The following ACVR2B variants were observed in gnomAD, a reference collection of about 807,000 sequenced individuals.
ACVR2B encodes the protein activin A receptor type 2B, also known as activin receptor type-2B.
A neutral mutation model predicts 65.1 loss-of-function variants in ACVR2B; 18 were observed. The observed-to-expected ratio is 0.28, with a 90% CI of 0.19 to 0.41. The LOEUF (loss-of-function observed/expected upper bound fraction) is 0.41. Ranked by LOEUF, ACVR2B falls within the 10% of genes least tolerant of loss-of-function variation. ACVR2B has a pLI of 1.00. For missense variants in ACVR2B, 482 were observed against 682.7 expected, an observed-to-expected ratio of 0.71 and a Z score of 3.28; for synonymous variants, 298 against 277.7, an observed-to-expected ratio of 1.07 and a Z score of -0.73.
rs1402895303 is a variant in ACVR2B, at chr3:38,483,586, GTGC to G, written c.*257_*259del. The G allele has an allele frequency of 5.9e-6, 1 of 169,488 alleles. No homozygotes were observed. Among genetic ancestry groups the G allele is most frequent in the Non-Finnish European group, 1.2e-5 (1 of 82,036 alleles). The allele number at this position is 169,488 out of a possible 1,614,324, so 10.5% of individuals were successfully genotyped here. On this transcript the variant is annotated 3_prime_UTR_variant, in exon 11 of 11. Coordinates refer to ENST00000352511, the MANE Select transcript of ACVR2B (RefSeq NM_001106.4). The surrounding 1 kb of genome is among the most constrained non-coding windows in gnomAD (Gnocchi z 4.8). ...AGCGGACACGTCAGCAGGCGTTGAG[GTGC>G]TGAGCTGTGGATGCAGAACCAGCGC...
chr3:38,470,815 C>G (rs1421620346), intron 1 of ACVR2B, among the ~76,000 whole-genome samples: 3 of 152,074 alleles, frequency 2.0e-5, no homozygotes, highest in Non-Finnish European at 4.4e-5. Context: ...GTTTATAGGC[C>G]TAGCTTACAA....
chr3:38,461,625 A>G (rs1324600447), intron 1 of ACVR2B, among the ~76,000 whole-genome samples: 2 of 151,992 alleles, frequency 1.3e-5, no homozygotes, highest in African/African-American at 4.8e-5. Context: ...ACCTCCCATC[A>G]CTGAGAGGTT....
At chr3:38,467,663 GA>G (rs1206198497) in intron 1 of ACVR2B, among the ~76,000 whole-genome samples, 1 of 151,764 alleles carries the variant, frequency 6.6e-6, no homozygotes, top group Non-Finnish European at 1.5e-5. Context: ...GAAGTGGGAG[GA>G]TTGTTTGAGC....
At chr3:38,459,644 C>T (rs1427234816) in intron 1 of ACVR2B, 1 of 985,284 alleles carries the variant, frequency 1.0e-6, no homozygotes, top group East Asian at 1.1e-4. Context: ...GGCCTGGAGC[C>T]CCCAGGCCGG....
At position 38,489,048 on chromosome 3, in the gene ACVR2B, A is replaced by G. The variant is rs1710168915; in HGVS notation, c.*5716A>G. On this transcript the variant is annotated 3_prime_UTR_variant, in exon 11 of 11. Transcript: ENST00000352511. ...CTCACAGTTATGAAAAATATGACCC[A>G]CAAGTTTTTCAGGCAGGTGAGGATG... 6.6e-6 allele frequency: 1 copy of G among 152,310 alleles called. No homozygotes were observed. The highest frequency in any genetic ancestry group is 1.5e-5 in the Non-Finnish European group (1 of 68,042). 9.4% of individuals were successfully genotyped at this position (152,310 alleles called of 1,614,324 possible). A position where few individuals can be genotyped will look rare whatever the true frequency, so the allele number is the denominator to read the frequency against.
rs1559657351 is a variant in ACVR2B, at chr3:38,484,337, T to C, written c.*1005T>C. 6.6e-6 allele frequency: 1 copy of C among 152,256 alleles called. No homozygotes were observed. The highest frequency in any genetic ancestry group is 2.1e-4 in the South Asian group (1 of 4,832). The allele number at this position is 152,256 out of a possible 1,614,324, so 9.4% of individuals were successfully genotyped here. On this transcript the variant is annotated 3_prime_UTR_variant, in exon 11 of 11. Coordinates refer to ENST00000352511, the MANE Select transcript of ACVR2B (RefSeq NM_001106.4). ...TAATGGACGAAAAGTTGAAATACTTTTGTTTCCTCTTGGAGCAGTTCAGGG... is the reference window on the plus strand; with the variant it reads ...TAATGGACGAAAAGTTGAAATACTTCTGTTTCCTCTTGGAGCAGTTCAGGG...
At chr3:38,459,348 G>A (rs565839357) in intron 1 of ACVR2B, among the ~76,000 whole-genome samples, 1 of 152,318 alleles carries the variant, frequency 6.6e-6, no homozygotes, top group East Asian at 1.9e-4. Flanking sequence ...GGAGGCTGTG[G>A]GTGGCTGGGC....
At position 38,479,197 on chromosome 3, in the gene ACVR2B, C is replaced by T. The variant is rs1386902616; in HGVS notation, c.736C>T (p.Gln246Ter). ...TPGMKHENLL[Q>*]FIAAEKRGSN... ...TGGCATGAAGCACGAGAACCTGCTA[C>T]AGTTCATTGCTGCCGAGAAGCGAGG... Residue 246 changes from glutamine to a stop codon, truncating the protein, a stop_gained, in exon 6 of 11, where the codon CAG becomes TAG. Transcript: ENST00000352511. LOFTEE classifies it high-confidence loss of function. 1 of 1,614,212 alleles carries T rather than the reference C, an allele frequency of 6.2e-7. No individual in the cohort carries two copies. The highest frequency in any genetic ancestry group is 8.5e-7 in the Non-Finnish European group (1 of 1,180,040).
intron 1 of ACVR2B, among the ~76,000 whole-genome samples, chr3:38,464,227 G>A (rs973516230): frequency 1.3e-5 from 2 of 152,228 alleles, no homozygotes; most frequent in African/African-American, 4.8e-5. Flanking sequence ...TTTTGGAATG[G>A]AAGTTAATTT....
intron 1 of ACVR2B, among the ~76,000 whole-genome samples, chr3:38,456,046 A>G (rs1055618164): frequency 4.6e-5 from 7 of 152,274 alleles, no homozygotes; most frequent in African/African-American, 1.7e-4. Context: ...CTCCTTAGGC[A>G]GGGCAGGGCG....
In ACVR2B at chr3:38,454,209, C is replaced by A; in HGVS notation, c.-114C>A. Reference sequence around the variant, plus strand: ...CGCAGGAAGCGCGCAGGGAACGAGACCGAAGGAAGGAGCGGGAAGGAGAGC... The same window carrying A: ...CGCAGGAAGCGCGCAGGGAACGAGAACGAAGGAAGGAGCGGGAAGGAGAGC... On this transcript the variant is annotated 5_prime_UTR_variant, in exon 1 of 11. Coordinates refer to ENST00000352511, the MANE Select transcript of ACVR2B (RefSeq NM_001106.4). The A allele has an allele frequency of 2.5e-6, 2 of 792,122 alleles. No homozygotes were observed. Among genetic ancestry groups the A allele is most frequent in the Non-Finnish European group, 3.3e-6 (2 of 614,468 alleles). 49.1% of individuals were successfully genotyped at this position (792,122 alleles called of 1,614,324 possible). A position where few individuals can be genotyped will look rare whatever the true frequency, so the allele number is the denominator to read the frequency against.
Position 38,491,854 on chromosome 3 carries a change from T to C in ACVR2B, c.*8522T>C, listed in dbSNP as rs1196030674. ...AGAGGGTTACCGCAGAGTAGAAATA[T>C]ATTTCTAGATTTCAGTTCCACACCA... On this transcript the variant is annotated 3_prime_UTR_variant, in exon 11 of 11. Transcript: ENST00000352511. 2 of 152,204 alleles carry C rather than the reference T, an allele frequency of 1.3e-5. No homozygotes were observed. Among genetic ancestry groups the C allele is most frequent in the Admixed American group, 6.5e-5 (1 of 15,276 alleles). The allele number at this position is 152,204 out of a possible 1,614,324, so 9.4% of individuals were successfully genotyped here.
At chr3:38,470,819 C>T (rs1163172122) in intron 1 of ACVR2B, among the ~76,000 whole-genome samples, 1 of 152,068 alleles carries the variant, frequency 6.6e-6, no homozygotes, top group African/African-American at 2.4e-5. Context: ...ATAGGCCTAG[C>T]TTACAACGGA....
intron 1 of ACVR2B, among the ~76,000 whole-genome samples, chr3:38,457,277 ATT>A (rs1166544341): frequency 6.6e-6 from 1 of 152,196 alleles, no homozygotes; most frequent in East Asian, 1.9e-4. Flanking sequence ...AAAACGAGAC[ATT>A]TTGCATTCCA....
At chr3:38,454,582 T>G in intron 1 of ACVR2B, 1 of 386,148 alleles carries the variant, frequency 2.6e-6, no homozygotes, top group Admixed American at 4.8e-5. Flanking sequence ...TGCAGTCATC[T>G]GCGGGATTCT....
chr3:38,479,451 G>C (rs999497384), intron 6 of ACVR2B, among the ~76,000 whole-genome samples, 180 bp downstream of exon 6: 5 of 152,252 alleles, frequency 3.3e-5, no homozygotes, highest in Non-Finnish European at 5.9e-5. Context: ...CCCTATGATA[G>C]GAACCTCTCA....
rs2125710267 is a variant in ACVR2B at position 38,454,268 on chromosome 3, C to T, written c.-55C>T. The T allele has an allele frequency of 8.3e-6, 10 of 1,197,608 alleles. No homozygotes were observed. Among genetic ancestry groups the T allele is most frequent in the Admixed American group, 9.1e-5 (2 of 22,036 alleles). The allele number at this position is 1,197,608 out of a possible 1,614,324, so 74.2% of individuals were successfully genotyped here. ...CGCCTGGCCCTGCGCGCCCCGGGAG[C>T]GCCGTGCGGCCCTGCCCGCGGGCTC... On this transcript the variant is annotated 5_prime_UTR_variant, in exon 1 of 11. Coordinates refer to ENST00000352511, the MANE Select transcript of ACVR2B (RefSeq NM_001106.4).
At position 38,454,322 on chromosome 3, in the gene ACVR2B, C is replaced by G; in HGVS notation, c.-1C>G. The G allele has an allele frequency of 1.5e-6, 2 of 1,296,392 alleles. No individual in the cohort carries two copies. Among genetic ancestry groups the G allele is most frequent in the Non-Finnish European group, 2.0e-6 (2 of 1,022,162 alleles). 80.3% of individuals were successfully genotyped at this position (1,296,392 alleles called of 1,614,324 possible). A position where few individuals can be genotyped will look rare whatever the true frequency, so the allele number is the denominator to read the frequency against. The stretch of plus-strand genomic sequence containing the variant: ...GTGTGCGCGGGGCGGCGCCGCGGAA[C>G]ATGACGGCGCCCTGGGTGGCCCTCG... On this transcript the variant is annotated 5_prime_UTR_variant, in exon 1 of 11. Transcript: ENST00000352511.
chr3:38,480,448 T>G (rs932944797), intron 7 of ACVR2B, among the ~76,000 whole-genome samples: 2 of 152,214 alleles, frequency 1.3e-5, no homozygotes, highest in African/African-American at 2.4e-5. Context: ...TCATTTGACC[T>G]TCATTACCGC....
Sources: gnomAD v4.1 joint callset for allele counts (sites outside exome capture counted in the v4.1 genomes callset) on GRCh38, gnomAD v4.1.1 for gene constraint, Gnocchi (gnomAD v3.1) non-coding constraint, MANE v1.5 for transcripts, NCBI Gene and HGNC (gene_info 2026-07-23, HGNC 2026-07-21) for gene names.